The following UBASH3A variants were observed in gnomAD, a reference collection of about 807,000 sequenced individuals.
The protein encoded by UBASH3A is ubiquitin-associated and SH3 domain-containing protein A.
A neutral mutation model predicts 73.5 loss-of-function variants in UBASH3A; 63 were observed. That is an observed-to-expected ratio of 0.86 (90% CI 0.70 to 1.06). The LOEUF is 1.06. UBASH3A is among the 50% of genes least tolerant of loss of function. The pLI is 0.00. For missense variants in UBASH3A, 860 were observed against 859.0 expected, an observed-to-expected ratio of 1.00 and a Z score of -0.02; for synonymous variants, 363 against 351.1, an observed-to-expected ratio of 1.03 and a Z score of -0.38.
chr21:42,415,277 C>G (rs1258473168), intron 5 of UBASH3A, among the ~76,000 whole-genome samples: 1 of 152,116 alleles, frequency 6.6e-6, no homozygotes, highest in African/African-American at 2.4e-5. Flanking sequence ...CATGGCAAGG[C>G]GGTCCTCCCC....
At chr21:42,409,640 C>T (rs559855961) in intron 3 of UBASH3A, 32 bp downstream of exon 3, 69 of 1,578,528 alleles carry the variant, frequency 4.4e-5, no homozygotes, top group Admixed American at 2.0e-4. Flanking sequence ...TCAATGCTCA[C>T]GGCAGCTGGA....
chr21:42,439,142 C>T (rs1327825073), intron 11 of UBASH3A, among the ~76,000 whole-genome samples: 4 of 152,146 alleles, frequency 2.6e-5, no homozygotes, highest in Admixed American at 6.5e-5. Flanking sequence ...GGTTCCACCC[C>T]GGAGCCTCTC....
chr21:42,431,032 A>T (rs926942286), intron 8 of UBASH3A, among the ~76,000 whole-genome samples: 1 of 152,202 alleles, frequency 6.6e-6, no homozygotes, highest in African/African-American at 2.4e-5. Flanking sequence ...GTCCTGGTGC[A>T]GGGCTTATGC....
At chr21:42,439,849 AAC>A (rs1323263329) in intron 11 of UBASH3A, among the ~76,000 whole-genome samples, 16 of 139,456 alleles carry the variant, frequency 1.1e-4, no homozygotes, top group African/African-American at 3.3e-4. Flanking sequence ...CACAACACAC[AAC>A]ACACACACCA....
At chr21:42,431,582 G>A (rs571648032) in intron 8 of UBASH3A, among the ~76,000 whole-genome samples, 43 of 152,236 alleles carry the variant, frequency 2.8e-4, no homozygotes, top group Non-Finnish European at 5.7e-4. Flanking sequence ...ATGGATGAGG[G>A]CTTCTCCCCT....
chr21:42,445,971 C>A, intron 14 of UBASH3A, among the ~76,000 whole-genome samples: 1 of 152,312 alleles, frequency 6.6e-6, no homozygotes, highest in South Asian at 2.1e-4. Flanking sequence ...CCCACACATG[C>A]GCTCTGATGC....
intron 11 of UBASH3A, among the ~76,000 whole-genome samples, chr21:42,438,917 GTCTTGCT>G (rs2053678127): frequency 4.6e-5 from 7 of 152,080 alleles, no homozygotes; most frequent in African/African-American, 1.7e-4. Context: ...GCAGATGGTG[GTCTTGCT>G]GGGACTTGCA....
chr21:42,446,056 G>A (rs3827231), intron 14 of UBASH3A, among the ~76,000 whole-genome samples: 1 of 151,514 alleles, frequency 6.6e-6, no homozygotes, highest in African/African-American at 2.4e-5. Flanking sequence ...GCGCTCCTGG[G>A]GGCCCACGTA....
At chr21:42,411,440 A>C (rs1190156023) in intron 3 of UBASH3A, among the ~76,000 whole-genome samples, 1 of 152,102 alleles carries the variant, frequency 6.6e-6, no homozygotes, top group Non-Finnish European at 1.5e-5. Context: ...ATGCACACAT[A>C]CAGACACACA....
intron 7 of UBASH3A, among the ~76,000 whole-genome samples, chr21:42,423,151 A>T (rs1404024941): frequency 6.6e-6 from 1 of 152,208 alleles, no homozygotes; most frequent in African/African-American, 2.4e-5. Flanking sequence ...GTGCGCTGTG[A>T]GCTCCCAGCT....
chr21:42,429,989 T>C (rs1234373007), intron 8 of UBASH3A, among the ~76,000 whole-genome samples: 1 of 151,892 alleles, frequency 6.6e-6, no homozygotes, highest in East Asian at 1.9e-4. Flanking sequence ...TCCTGATAAA[T>C]TTCAGCAGCT....
In UBASH3A at chr21:42,406,625, T is replaced by A. The variant is rs566295065; in HGVS notation, c.167+264T>A. 1.3e-4 allele frequency among the ~76,000 whole-genome samples: 20 copies of A among 152,348 alleles called. No individual in the cohort carries two copies. In the South Asian group the frequency reaches 4.1e-3, roughly 32 times the overall value. ...CTTACAAACCTGATTCAATCCAATT[T>A]GACTGCCAAGAAGAACAGGTTCATG... is the stretch of plus-strand genomic sequence containing the variant. On this transcript the variant is annotated intron_variant, in intron 2 of 14. Transcript: ENST00000319294.
At chr21:42,434,510 T>C (rs2053592318) in intron 9 of UBASH3A, among the ~76,000 whole-genome samples, 1 of 152,204 alleles carries the variant, frequency 6.6e-6, no homozygotes, top group Non-Finnish European at 1.5e-5. Context: ...AAACTAGTCA[T>C]AGAGACACTT....
intron 3 of UBASH3A, among the ~76,000 whole-genome samples, chr21:42,412,055 G>C (rs113701210): frequency 0.067 from 10,180 of 152,280 alleles, 476 homozygotes; most frequent in Middle Eastern, 0.13. Flanking sequence ...GAAGAGAAGG[G>C]ATCAGGCCAA....
chr21:42,438,165 G>A (rs952986398), intron 11 of UBASH3A, among the ~76,000 whole-genome samples: 4 of 152,146 alleles, frequency 2.6e-5, no homozygotes, highest in East Asian at 1.9e-4. Flanking sequence ...ATAAGATCTC[G>A]GTCCCCAGGC....
In UBASH3A at chr21:42,427,896, A is replaced by C. The variant is rs113900484; in HGVS notation, c.1170+1076A>C. On this transcript the variant is annotated intron_variant, in intron 8 of 14. Coordinates refer to ENST00000319294, the MANE Select transcript of UBASH3A (RefSeq NM_018961.4). ...AACGCTCACCCTCTGTTACGGATTG[A>C]ATTGTGTGCCTCCAAAATTCCTATC... Among the ~76,000 whole-genome samples, 576 of 152,310 alleles carry C rather than the reference A, an allele frequency of 3.8e-3. 3 individuals are homozygous for C. The highest frequency in any genetic ancestry group is 0.013 in the African/African-American group (536 of 41,556).
At position 42,416,569 on chromosome 21, in the gene UBASH3A, C is replaced by T. The variant is rs755245793; in HGVS notation, c.795C>T (p.Thr265=). Residue 265 remains threonine, a synonymous_variant, in exon 6 of 15, where the codon ACC becomes ACT. Coordinates refer to ENST00000319294, the MANE Select transcript of UBASH3A (RefSeq NM_018961.4). ...AIPLGHSCQW[T]AALYSRDMRF... ...CCCTGGGCCACAGCTGCCAGTGGACCGCAGCACTCTACTCCCGAGACATGC... is the reference window on the plus strand; with the variant it reads ...CCCTGGGCCACAGCTGCCAGTGGACTGCAGCACTCTACTCCCGAGACATGC... 4.4e-6 allele frequency: 7 copies of T among 1,608,040 alleles called. No homozygotes were observed. Among genetic ancestry groups the T allele is most frequent in the Middle Eastern group, 1.7e-4 (1 of 6,052 alleles).
intron 3 of UBASH3A, among the ~76,000 whole-genome samples, chr21:42,411,296 TACAC>T (rs1288219869): frequency 8.7e-5 from 13 of 149,234 alleles, no homozygotes; most frequent in Admixed American, 8.0e-4. Context: ...TGCAAACAGA[TACAC>T]ACAGATATAC....
intron 3 of UBASH3A, among the ~76,000 whole-genome samples, chr21:42,410,954 CG>C (rs2053080482): frequency 6.9e-6 from 1 of 145,364 alleles, no homozygotes; most frequent in Non-Finnish European, 1.5e-5. Context: ...GACGTACACA[CG>C]GCACACACAG....
Sources: gnomAD v4.1 joint callset for allele counts (sites outside exome capture counted in the v4.1 genomes callset) on GRCh38, gnomAD v4.1.1 for gene constraint, MANE v1.5 for transcripts, NCBI Gene and HGNC (gene_info 2026-07-23, HGNC 2026-07-21) for gene names.